MC5R: variants seen among roughly 807,000 people sequenced by gnomAD.
The protein encoded by MC5R is melanocortin 5 receptor.
For missense variants in MC5R, 420 were observed against 431.4 expected (o/e 0.97, Z 0.23); for synonymous variants, 167 against 164.4 (o/e 1.02, Z -0.12).
In MC5R at chr18:13,826,679, C is replaced by A. The variant is rs143262370; in HGVS notation, c.914C>A (p.Thr305Asn). The A allele has an allele frequency of 5.4e-5, 87 of 1,613,840 alleles. No homozygotes were observed. The South Asian group carries it at 8.2e-4, about 15-fold the overall frequency. Residue 305 changes from threonine (T) to asparagine (N), a missense_variant, in exon 2 of 2, where the codon ACC (threonine) becomes AAC (asparagine). Coordinates refer to ENST00000589410, the MANE Select transcript of MC5R (RefSeq NM_005913.3). ...TTCCGCAGCCAAGAGATGCGGAAGA[C>A]CTTTAAGGAGATTATTTGCTGCCGT... The part of the protein sequence containing the change: ...YAFRSQEMRK[T>N]FKEIICCRGF...
Position 13,825,981 on chromosome 18 carries a change from C to T in MC5R, c.216C>T (p.Tyr72=), listed in dbSNP as rs753204207. Residue 72 remains tyrosine, a synonymous_variant, in exon 2 of 2, where the codon TAC becomes TAT. Transcript: ENST00000589410. ...ACAAAAACCTGCACTCCCCCATGTA[C>T]TTCTTCGTGTGCAGCCTGGCAGTGG... ...VKNKNLHSPM[Y]FFVCSLAVAD... 6.2e-7 allele frequency: 1 copy of T among 1,614,174 alleles called. No homozygotes were observed. The highest frequency in any genetic ancestry group is 8.5e-7 in the Non-Finnish European group (1 of 1,180,024).
chr18:13,824,236 G>C lies in MC5R; in HGVS notation c.-78G>C, dbSNP rs2044914721. ...CCGTCGGATCCCGGGGACGCCGGGG[G>C]CCCGGGCTGAGCGCCGCGGCCCGCG... On this transcript the variant is annotated 5_prime_UTR_variant, in exon 1 of 2. Coordinates refer to ENST00000589410, the MANE Select transcript of MC5R (RefSeq NM_005913.3). 6.6e-6 allele frequency: 1 copy of C among 152,232 alleles called. No individual in the cohort carries two copies. Among genetic ancestry groups the C allele is most frequent in the African/African-American group, 2.4e-5 (1 of 41,466 alleles). The allele number at this position is 152,232 out of a possible 1,614,324, so 9.4% of individuals were successfully genotyped here. A position where few individuals can be genotyped will look rare whatever the true frequency, so the allele number is the denominator to read the frequency against.
chr18:13,825,526 T>C (rs2044922348), intron 1 of MC5R: 4 of 390,380 alleles, frequency 1.0e-5, no homozygotes, highest in Non-Finnish European at 1.8e-5. Context: ...GCCAGGAGTT[T>C]GAGACCAGAC....
chr18:13,824,620 C>G (rs1388614318), intron 1 of MC5R, among the ~76,000 whole-genome samples: 1 of 151,854 alleles, frequency 6.6e-6, no homozygotes, highest in Non-Finnish European at 1.5e-5. Context: ...GTACATTGTA[C>G]CTATTAAGTA....
rs1289537923 is a variant in MC5R, at chr18:13,825,988, G to T, written c.223G>T (p.Val75Leu). The change falls in exon 2 of 2, where the codon GTG (valine) becomes TTG (leucine). Residue 75 changes from valine (V) to leucine (L), a missense_variant. Transcript: ENST00000589410. ...CCTGCACTCCCCCATGTACTTCTTC[G>T]TGTGCAGCCTGGCAGTGGCGGACAT... ...KNLHSPMYFF[V>L]CSLAVADMLV... 2 of 1,614,000 alleles carry T rather than the reference G, an allele frequency of 1.2e-6. No individual in the cohort carries two copies. The highest frequency in any genetic ancestry group is 2.2e-5 in the East Asian group (1 of 44,884).
chr18:13,826,687 G>A lies in MC5R; in HGVS notation c.922G>A (p.Glu308Lys), dbSNP rs770866164. The A allele has an allele frequency of 6.2e-7, 1 of 1,613,804 alleles. No homozygotes were observed. Among genetic ancestry groups the A allele is most frequent in the Non-Finnish European group, 8.5e-7 (1 of 1,179,960 alleles). Residue 308 changes from glutamate (E) to lysine (K), a missense_variant, in exon 2 of 2, where the codon GAG (glutamate) becomes AAG (lysine). Transcript: ENST00000589410. ...CCAAGAGATGCGGAAGACCTTTAAGGAGATTATTTGCTGCCGTGGTTTCAG... is the reference window on the plus strand; with the variant it reads ...CCAAGAGATGCGGAAGACCTTTAAGAAGATTATTTGCTGCCGTGGTTTCAG... The part of the protein sequence containing the change: ...RSQEMRKTFK[E>K]IICCRGFRIA...
chr18:13,826,068 C>G lies in MC5R; in HGVS notation c.303C>G (p.Asn101Lys), dbSNP rs776129031. ...WETITIYLLN[N>K]KHLVIADAFV... is the part of the protein sequence containing the mutation. Reference sequence around the variant, plus strand: ...CCATCACCATCTACCTACTCAACAACAAGCACCTAGTGATAGCAGACGCCT... The same window carrying G: ...CCATCACCATCTACCTACTCAACAAGAAGCACCTAGTGATAGCAGACGCCT... The change falls in exon 2 of 2, where the codon AAC becomes AAG. Residue 101 changes from asparagine (N) to lysine (K), a missense_variant. Transcript: ENST00000589410. 8.7e-6 allele frequency: 14 copies of G among 1,614,046 alleles called. No individual in the cohort carries two copies. The highest frequency in any genetic ancestry group is 1.0e-5 in the Non-Finnish European group (12 of 1,180,050).
Position 13,826,335 on chromosome 18 carries a change from C to T in MC5R, c.570C>T (p.Leu190=), listed in dbSNP as rs1021852656. 9 of 1,614,076 alleles carry T rather than the reference C, an allele frequency of 5.6e-6. No homozygotes were observed. The highest frequency in any genetic ancestry group is 7.6e-6 in the Non-Finnish European group (9 of 1,180,050). Reference sequence around the variant, plus strand: ...AATCCACCTACGTCATCCTGTGCCTCATCTCCATGTTCTTCGCTATGCTGT... The same window carrying T: ...AATCCACCTACGTCATCCTGTGCCTTATCTCCATGTTCTTCGCTATGCTGT... ...YSESTYVILC[L]ISMFFAMLFL... The change falls in exon 2 of 2, where the codon CTC becomes CTT. Residue 190 remains leucine (L), a synonymous_variant. Transcript: ENST00000589410.
In MC5R at chr18:13,825,783, C is replaced by T. The variant is rs2044924718; in HGVS notation, c.18C>T (p.His6=). The change falls in exon 2 of 2, where the codon CAC becomes CAT. Residue 6 remains histidine (H), a synonymous_variant. Transcript: ENST00000589410. The stretch of plus-strand genomic sequence containing the variant: ...CTCCAGCAATGAATTCCTCATTTCA[C>T]CTGCATTTCTTGGATCTCAACCTGA... MNSSF[H]LHFLDLNLNA... 6.3e-7 allele frequency: 1 copy of T among 1,576,836 alleles called. No homozygotes were observed. The highest frequency in any genetic ancestry group is 1.9e-5 in the Admixed American group (1 of 51,772).
rs150713702 is a variant in MC5R at position 13,826,411 on chromosome 18, G to A, written c.646G>A (p.Val216Ile). The change falls in exon 2 of 2, where the codon GTC (valine) becomes ATC (isoleucine). Residue 216 changes from valine to isoleucine, a missense_variant. Val to Ile is a conservative substitution (Grantham distance 29, BLOSUM62 3). Transcript: ENST00000589410. ...CATGTTCCTCCTGGCGCGGACTCAC[G>A]TCAAGCGGATCGCGGCTCTGCCCGG... Reference protein sequence around the residue: ...IHMFLLARTHVKRIAALPGAS... With the variant: ...IHMFLLARTHIKRIAALPGAS... 1.2e-5 allele frequency: 20 copies of A among 1,613,860 alleles called. No homozygotes were observed. The African/African-American group carries it at 1.7e-4, about 14-fold the overall frequency.
rs1442266199 is a variant in MC5R at position 13,826,420 on chromosome 18, A to G, written c.655A>G (p.Ile219Val). 1 of 1,613,936 alleles carries G rather than the reference A, an allele frequency of 6.2e-7. No homozygotes were observed. Residue 219 changes from isoleucine to valine, a missense_variant, in exon 2 of 2, where the codon ATC (isoleucine) becomes GTC (valine). Ile to Val is a conservative substitution (Grantham distance 29). Transcript: ENST00000589410. ...CCTGGCGCGGACTCACGTCAAGCGG[A>G]TCGCGGCTCTGCCCGGGGCCAGCTC... ...FLLARTHVKR[I>V]AALPGASSAR...
rs1167742661 is a variant in MC5R, at chr18:13,826,455, G to T, written c.690G>T (p.Gln230His). The change falls in exon 2 of 2, where the codon CAG becomes CAT. Residue 230 changes from glutamine to histidine, a missense_variant. By Grantham distance (24) the Gln-to-His change is conservative. Coordinates refer to ENST00000589410, the MANE Select transcript of MC5R (RefSeq NM_005913.3). The part of the protein sequence containing the change: ...AALPGASSAR[Q>H]RTSMQGAVTV... ...TGCCCGGGGCCAGCTCTGCGCGGCA[G>T]AGGACCAGCATGCAGGGCGCGGTCA... The T allele has an allele frequency of 1.4e-5, 23 of 1,613,780 alleles. No homozygotes were observed. The highest frequency in any genetic ancestry group is 1.9e-5 in the Non-Finnish European group (22 of 1,179,734).
At position 13,825,740 on chromosome 18, in the gene MC5R, A is replaced by G. The variant is rs944247115; in HGVS notation, c.-26A>G. The stretch of plus-strand genomic sequence containing the variant: ...CATGTTTTACAGTAAATTTGCTGCC[A>G]AGACAAGAGGTGTATTTCTCCAGCA... On this transcript the variant is annotated 5_prime_UTR_variant, in exon 2 of 2. Coordinates refer to ENST00000589410, the MANE Select transcript of MC5R (RefSeq NM_005913.3). The G allele has an allele frequency of 1.3e-6, 2 of 1,534,880 alleles. No homozygotes were observed. Among genetic ancestry groups the G allele is most frequent in the African/African-American group, 1.4e-5 (1 of 71,946 alleles).
rs1176809042 is a variant in MC5R at position 13,826,325 on chromosome 18, T to C, written c.560T>C (p.Ile187Thr). The change falls in exon 2 of 2, where the codon ATC becomes ACC. Residue 187 changes from isoleucine to threonine, a missense_variant. Transcript: ENST00000589410. ...CTGTACTCAGAATCCACCTACGTCA[T>C]CCTGTGCCTCATCTCCATGTTCTTC... is the stretch of plus-strand genomic sequence containing the variant. ...FILYSESTYV[I>T]LCLISMFFAM... 6 of 1,614,032 alleles carry C rather than the reference T, an allele frequency of 3.7e-6. No homozygotes were observed. In the African/African-American group the frequency reaches 8.0e-5, roughly 22 times the overall value.
Position 13,824,210 on chromosome 18 carries a change from G to A in MC5R, c.-104G>A. On this transcript the variant is annotated 5_prime_UTR_variant, in exon 1 of 2. Transcript: ENST00000589410. ...CGGGGCTGGCTCTGAGCGCCGCACG[G>A]CCGTCGGATCCCGGGGACGCCGGGG... 6.6e-6 allele frequency: 1 copy of A among 152,206 alleles called. No individual in the cohort carries two copies. Among genetic ancestry groups the A allele is most frequent in the East Asian group, 1.9e-4 (1 of 5,182 alleles). 9.4% of individuals were successfully genotyped at this position (152,206 alleles called of 1,614,324 possible).
Position 13,825,839 on chromosome 18 carries a change from A to G in MC5R, c.74A>G (p.Asn25Ser), listed in dbSNP as rs2149124092. Residue 25 changes from asparagine to serine, a missense_variant, in exon 2 of 2, where the codon AAT becomes AGT. Physicochemically the swap from Asn to Ser is conservative, Grantham distance 46. Transcript: ENST00000589410. ...ACAGAGGGCAACCTTTCAGGACCCAATGTCAAAAACAAGTCTTCACCATGT... is the reference window on the plus strand; with the variant it reads ...ACAGAGGGCAACCTTTCAGGACCCAGTGTCAAAAACAAGTCTTCACCATGT... ...NATEGNLSGPNVKNKSSPCED... is the reference protein window; with the variant it reads ...NATEGNLSGPSVKNKSSPCED... The G allele has an allele frequency of 1.9e-6, 3 of 1,613,140 alleles. No individual in the cohort carries two copies. Among genetic ancestry groups the G allele is most frequent in the South Asian group, 1.1e-5 (1 of 90,686 alleles).
rs1541276 is a variant in MC5R at position 13,825,728 on chromosome 18, A to C, written c.-38A>C. Reference sequence around the variant, plus strand: ...GTGAATTTAAAACATGTTTTACAGTAAATTTGCTGCCAAGACAAGAGGTGT... The same window carrying C: ...GTGAATTTAAAACATGTTTTACAGTCAATTTGCTGCCAAGACAAGAGGTGT... On this transcript the variant is annotated splice_region_variant and 5_prime_UTR_variant, in exon 2 of 2. Coordinates refer to ENST00000589410, the MANE Select transcript of MC5R (RefSeq NM_005913.3). 254,672 of 1,521,010 alleles carry C rather than the reference A, an allele frequency of 0.17. 22,011 individuals are homozygous for C. The highest frequency in any genetic ancestry group is 0.23 in the East Asian group (10,220 of 44,224). 94.2% of individuals were successfully genotyped at this position (1,521,010 alleles called of 1,614,324 possible). A position where few individuals can be genotyped will look rare whatever the true frequency, so the allele number is the denominator to read the frequency against.
rs774693979 is a variant in MC5R at position 13,826,591 on chromosome 18, C to T, written c.826C>T (p.His276Tyr). 2 of 1,614,062 alleles carry T rather than the reference C, an allele frequency of 1.2e-6. No individual in the cohort carries two copies. Among genetic ancestry groups the T allele is most frequent in the Non-Finnish European group, 1.7e-6 (2 of 1,180,038 alleles). ...QNLYCSRFMS[H>Y]FNMYLILIMC... is the part of the protein sequence containing the mutation. ...CCTCTACTGCTCTCGCTTCATGTCT[C>T]ACTTCAATATGTACCTCATACTCAT... is the stretch of plus-strand genomic sequence containing the variant. Residue 276 changes from histidine (H) to tyrosine (Y), a missense_variant, in exon 2 of 2, where the codon CAC (histidine) becomes TAC (tyrosine). Coordinates refer to ENST00000589410, the MANE Select transcript of MC5R (RefSeq NM_005913.3).
chr18:13,826,474 G>T lies in MC5R; in HGVS notation c.709G>T (p.Ala237Ser). 2.5e-6 allele frequency: 4 copies of T among 1,613,608 alleles called. No homozygotes were observed. Among genetic ancestry groups the T allele is most frequent in the Non-Finnish European group, 3.4e-6 (4 of 1,179,624 alleles). Residue 237 changes from alanine (A) to serine (S), a missense_variant, in exon 2 of 2, where the codon GCG becomes TCG. Ala to Ser is a moderately conservative substitution (Grantham distance 99). Transcript: ENST00000589410. ...GCGGCAGAGGACCAGCATGCAGGGC[G>T]CGGTCACCGTCACCATGCTGCTGGG... Reference protein sequence around the residue: ...SARQRTSMQGAVTVTMLLGVF... With the variant: ...SARQRTSMQGSVTVTMLLGVF...
Sources: gnomAD v4.1 joint callset for allele counts (sites outside exome capture counted in the v4.1 genomes callset) on GRCh38, gnomAD v4.1.1 for gene constraint, MANE v1.5 for transcripts, NCBI Gene and HGNC (gene_info 2026-07-23, HGNC 2026-07-21) for gene names.